HCK: variants seen among roughly 807,000 people sequenced by gnomAD.
HCK encodes the protein HCK proto-oncogene, Src family tyrosine kinase, also known as tyrosine-protein kinase HCK.
Under a neutral mutation model 70.4 loss-of-function variants are expected in HCK, and 40 were observed. The observed-to-expected ratio is 0.57, with a 90% CI of 0.44 to 0.74. HCK has a LOEUF of 0.74. Ranked by LOEUF, HCK falls within the 30% of genes least tolerant of loss-of-function variation. The pLI is 0.00. For synonymous variants in HCK, 245 were observed against 263.2 expected (o/e 0.93, Z 0.67); for missense variants, 568 against 697.2 (o/e 0.81, Z 2.09).
intron 2 of HCK, 78 bp from the exon 3 acceptor site, chr20:32,073,241 G>A (rs778470257): frequency 8.2e-6 from 10 of 1,222,066 alleles, no homozygotes; most frequent in Admixed American, 1.8e-5. Flanking sequence ...GCTCTTGGGT[G>A]TCCTTCTCAA....
At chr20:32,081,430 AT>A (rs902832618) in intron 6 of HCK, among the ~76,000 whole-genome samples, 11 of 152,216 alleles carry the variant, frequency 7.2e-5, no homozygotes, top group African/African-American at 2.7e-4. Context: ...ATGATTTCAG[AT>A]TTCATGTGCT....
intron 12 of HCK, among the ~76,000 whole-genome samples, chr20:32,100,605 G>T (rs1184068107): frequency 6.6e-6 from 1 of 152,200 alleles, no homozygotes; most frequent in Admixed American, 6.5e-5. Flanking sequence ...CCAAGTAAAG[G>T]AAGCACTTGA....
intron 10 of HCK, among the ~76,000 whole-genome samples, chr20:32,092,178 C>T (rs1211416469): frequency 6.6e-6 from 1 of 152,040 alleles, no homozygotes; most frequent in Non-Finnish European, 1.5e-5. Flanking sequence ...TCAGACTGCA[C>T]CCAGCTGCAG....
At chr20:32,073,665 C>T (rs2122534981) in intron 3 of HCK, 51 bp from the exon 4 acceptor site, 2 of 1,269,254 alleles carry the variant, frequency 1.6e-6, no homozygotes, top group Non-Finnish European at 2.2e-6. Context: ...TCACCAAGGG[C>T]TGTGGATGCA....
At chr20:32,091,218 G>A (rs1319537977) in intron 10 of HCK, among the ~76,000 whole-genome samples, 2 of 152,230 alleles carry the variant, frequency 1.3e-5, no homozygotes, top group Admixed American at 6.5e-5. Context: ...GCATCTGCCA[G>A]TGAGCATCAA....
intron 8 of HCK, among the ~76,000 whole-genome samples, chr20:32,085,213 C>T (rs888567449): frequency 3.9e-5 from 6 of 152,280 alleles, no homozygotes; most frequent in South Asian, 2.1e-4. Flanking sequence ...GTATTTATTG[C>T]GATTCTGCTG....
intron 8 of HCK, among the ~76,000 whole-genome samples, chr20:32,084,863 C>T (rs1453951182): frequency 1.3e-5 from 2 of 152,208 alleles, no homozygotes; most frequent in Non-Finnish European, 2.9e-5. Context: ...GAGACCTTTT[C>T]AGATGATGAA....
chr20:32,070,586 C>T (rs1366524388), intron 1 of HCK, among the ~76,000 whole-genome samples: 2 of 152,174 alleles, frequency 1.3e-5, no homozygotes, highest in East Asian at 3.9e-4. Flanking sequence ...CTCTGACAGG[C>T]CTTCCCCAAA....
At position 32,101,439 on chromosome 20, in the gene HCK, C is replaced by T. The variant is rs1487246529; in HGVS notation, c.1501C>T (p.Arg501Trp). ...CTGCTGGAAAAACCGTCCGGAGGAG[C>T]GGCCGACCTTCGAATACATCCAGAG... The change falls in exon 13 of 13, where the codon CGG becomes TGG. Residue 501 changes from arginine (R) to tryptophan (W), a missense_variant. Physicochemically the swap from Arg to Trp is moderately radical, Grantham distance 101. Transcript: ENST00000375852. 8.1e-6 allele frequency: 13 copies of T among 1,614,044 alleles called. No individual in the cohort carries two copies. The highest frequency in any genetic ancestry group is 1.1e-5 in the South Asian group (1 of 91,076).
At chr20:32,083,210 C>T (rs964531334) in intron 6 of HCK, among the ~76,000 whole-genome samples, 1 of 152,142 alleles carries the variant, frequency 6.6e-6, no homozygotes, top group African/African-American at 2.4e-5. Context: ...AGGGATTACA[C>T]TGGGGCTACC....
At chr20:32,094,410 T>C (rs1336262641) in intron 11 of HCK, among the ~76,000 whole-genome samples, 8 of 152,116 alleles carry the variant, frequency 5.3e-5, no homozygotes, top group South Asian at 4.1e-4. Context: ...CCAGGCTCAG[T>C]GGCTCACGCC....
Position 32,084,467 on chromosome 20 carries a change from T to C in HCK, c.759T>C (p.Asp253=), listed in dbSNP as rs1229019246. Residue 253 remains aspartate, a synonymous_variant, in exon 8 of 13, where the codon GAT becomes GAC. Coordinates refer to ENST00000375852, the MANE Select transcript of HCK (RefSeq NM_002110.5). The stretch of plus-strand genomic sequence containing the variant: ...AGCCCCAGAAGCCTTGGGAGAAAGA[T>C]GCCTGGGAGATCCCTCGGGAATCCC... The C allele has an allele frequency of 5.0e-6, 8 of 1,614,118 alleles. No homozygotes were observed. The highest frequency in any genetic ancestry group is 1.1e-5 in the South Asian group (1 of 91,078).
chr20:32,071,348 T>A (rs1283051051), intron 1 of HCK, among the ~76,000 whole-genome samples: 2 of 152,212 alleles, frequency 1.3e-5, no homozygotes, highest in Non-Finnish European at 2.9e-5. Context: ...CTCTACCTGT[T>A]ACATTTCTGT....
chr20:32,053,145 C>A (rs1206772517), intron 1 of HCK, among the ~76,000 whole-genome samples: 2 of 152,124 alleles, frequency 1.3e-5, no homozygotes, highest in Non-Finnish European at 2.9e-5. Context: ...GTCTTTCTTG[C>A]AAGGATGCAG....
chr20:32,085,378 G>T (rs987579035), intron 8 of HCK, among the ~76,000 whole-genome samples: 1 of 152,110 alleles, frequency 6.6e-6, no homozygotes, highest in Non-Finnish European at 1.5e-5. Context: ...GCCAGGCGTG[G>T]TGGTGGGAGC....
Position 32,086,909 on chromosome 20 carries a change from A to T in HCK, c.1015+102A>T, listed in dbSNP as rs533963718. 11 of 1,065,404 alleles carry T rather than the reference A, an allele frequency of 1.0e-5. No individual in the cohort carries two copies. The African/African-American group carries it at 1.2e-4, about 11-fold the overall frequency. The allele number at this position is 1,065,404 out of a possible 1,614,324, so 66.0% of individuals were successfully genotyped here. The stretch of plus-strand genomic sequence containing the variant: ...GGTTCTTGCCCTTGAGATGGCCCCA[A>T]TCTGGCCAGGAGCTCTTCCAACAAG... On this transcript the variant is annotated intron_variant, in intron 9 of 12. Coordinates refer to ENST00000375852, the MANE Select transcript of HCK (RefSeq NM_002110.5).
At chr20:32,094,815 AAG>A (rs1170437903) in intron 11 of HCK, among the ~76,000 whole-genome samples, 1 of 138,784 alleles carries the variant, frequency 7.2e-6, no homozygotes, top group Non-Finnish European at 1.6e-5. Flanking sequence ...GAAAGAAAGA[AAG>A]AAAGAAAGAA....
At chr20:32,067,916 G>C (rs1357567873) in intron 1 of HCK, among the ~76,000 whole-genome samples, 1 of 152,024 alleles carries the variant, frequency 6.6e-6, no homozygotes, top group Non-Finnish European at 1.5e-5. Flanking sequence ...TAATAATTTT[G>C]ATATATTGGG....
chr20:32,069,979 T>G (rs531348375), intron 1 of HCK, among the ~76,000 whole-genome samples: 33 of 152,354 alleles, frequency 2.2e-4, no homozygotes, highest in Admixed American at 1.1e-3. Flanking sequence ...CAAATGTGTG[T>G]GCACATTTTG....
Sources: gnomAD v4.1 joint callset for allele counts (sites outside exome capture counted in the v4.1 genomes callset) on GRCh38, gnomAD v4.1.1 for gene constraint, MANE v1.5 for transcripts, NCBI Gene and HGNC (gene_info 2026-07-23, HGNC 2026-07-21) for gene names.